Variants in ANK2 observed in about 807,000 individuals in gnomAD.
ANK2 encodes the protein ankyrin 2, also known as ankyrin-2.
ANK2 carries 83 observed loss-of-function variants against 360.5 expected under a neutral mutation model. The ratio of observed to expected loss-of-function variants is 0.23; its 90% confidence interval spans 0.19 to 0.28. The LOEUF is 0.28. Among genes scored for constraint, ANK2 ranks in the 10% least tolerant of loss-of-function variants. The probability of loss-of-function intolerance (pLI) is 1.00; values close to 1 mark genes in which losing one functional copy is unlikely to be tolerated. For synonymous variants in ANK2, 1,740 were observed against 1,759.5 expected, an observed-to-expected ratio of 0.99 and a Z score of 0.28; for missense variants, 4,201 against 4,795.7, an observed-to-expected ratio of 0.88 and a Z score of 3.66.
chr4:113,214,943 G>A (rs2099069314), intron 4 of ANK2, among the ~76,000 whole-genome samples: 1 of 152,082 alleles, frequency 6.6e-6, no homozygotes, highest in Non-Finnish European at 1.5e-5. Context: ...GTCATCAAAA[G>A]ACATTTATTA....
intron 26 of ANK2, among the ~76,000 whole-genome samples, chr4:113,328,757 C>T (rs2091370000): frequency 2.6e-5 from 4 of 152,202 alleles, no homozygotes; most frequent in Non-Finnish European, 5.9e-5. Context: ...CAGACAGGCA[C>T]TCTGGGCTCC....
In ANK2 at chr4:112,999,416, A is replaced by G. The variant is rs148582232; in HGVS notation, c.21+94902A>G. On this transcript the variant is annotated intron_variant, in intron 2 of 30. Transcript: ENST00000503271. ...TAAGGAAATGAAGATCAGAGAGATT[A>G]AATCACTTACTGATGATTCCCACAG... 4.3e-3 allele frequency among the ~76,000 whole-genome samples: 651 copies of G among 152,284 alleles called. 1 individual carries two copies. The highest frequency in any genetic ancestry group is 4.0e-3 in the Non-Finnish European group (272 of 68,022).
intron 11 of ANK2, 49 bp downstream of exon 11, chr4:113,255,981 A>C: frequency 1.3e-6 from 2 of 1,582,668 alleles, no homozygotes; most frequent in Non-Finnish European, 1.7e-6. Flanking sequence ...GAGACAAACA[A>C]ACCCACATTC....
chr4:112,951,348 T>C (rs1017085055), intron 2 of ANK2, among the ~76,000 whole-genome samples: 1 of 152,152 alleles, frequency 6.6e-6, no homozygotes, highest in African/African-American at 2.4e-5. Context: ...CATAAAAAGG[T>C]ATTTGTGATA....
chr4:112,740,804 A>G, the ANK2 span, among the ~76,000 whole-genome samples: 2 of 152,102 alleles, frequency 1.3e-5, no homozygotes, highest in Non-Finnish European at 2.9e-5. Context: ...AGGCTGGCCA[A>G]CACGGTGAAA....
At chr4:113,011,877 C>T (rs1226360332) in intron 2 of ANK2, among the ~76,000 whole-genome samples, 2 of 152,052 alleles carry the variant, frequency 1.3e-5, no homozygotes, top group East Asian at 3.9e-4. Context: ...GTTGTGCAAA[C>T]AATTTTATGC....
the ANK2 span, among the ~76,000 whole-genome samples, chr4:112,720,537 C>T: frequency 1.3e-5 from 2 of 152,190 alleles, no homozygotes; most frequent in African/African-American, 2.4e-5. Flanking sequence ...TTGTATACAA[C>T]ACATCTGATC....
intron 2 of ANK2, among the ~76,000 whole-genome samples, chr4:112,990,856 T>C (rs1282738895): frequency 1.3e-5 from 2 of 152,224 alleles, no homozygotes; most frequent in African/African-American, 4.8e-5. Context: ...TAAGTGTTAC[T>C]GTGAAGTATT....
chr4:113,124,446 T>C (rs1427461034), intron 1 of ANK2, among the ~76,000 whole-genome samples: 1 of 152,214 alleles, frequency 6.6e-6, no homozygotes, highest in African/African-American at 2.4e-5. Context: ...CTTTCAATAC[T>C]CCTAACTCTT....
chr4:113,009,852 A>C (rs1268778767), intron 2 of ANK2, among the ~76,000 whole-genome samples: 1 of 151,882 alleles, frequency 6.6e-6, no homozygotes, highest in Non-Finnish European at 1.5e-5. Context: ...TGTGCTTTTA[A>C]TTCTCACTGT....
intron 23 of ANK2, among the ~76,000 whole-genome samples, chr4:113,304,543 G>T: frequency 6.6e-6 from 1 of 152,016 alleles, no homozygotes; most frequent in East Asian, 1.9e-4. Context: ...ATAATCTAAT[G>T]AACATTATAT....
chr4:113,162,329 T>G (rs2097566395), intron 1 of ANK2, among the ~76,000 whole-genome samples: 1 of 152,206 alleles, frequency 6.6e-6, no homozygotes, highest in South Asian at 2.1e-4. Context: ...TCTTGCCTTT[T>G]CCTGTCTTTT....
chr4:112,815,843 C>G (rs1291318393), upstream of ANK2, among the ~76,000 whole-genome samples: 1 of 152,242 alleles, frequency 6.6e-6, no homozygotes, highest in Non-Finnish European at 1.5e-5. Flanking sequence ...AGCTCCTGCA[C>G]TCTGGACACT....
At position 113,373,145 on chromosome 4, in the gene ANK2, A is replaced by G; in HGVS notation, c.11666A>G (p.Asp3889Gly). 6.2e-7 allele frequency: 1 copy of G among 1,614,158 alleles called. No homozygotes were observed. The highest frequency in any genetic ancestry group is 8.5e-7 in the Non-Finnish European group (1 of 1,179,994). The change falls in exon 44 of 46, where the codon GAT becomes GGT. Residue 3889 changes from aspartate (D) to glycine (G), a missense_variant. Physicochemically the swap from Asp to Gly is moderately conservative, Grantham distance 94. Around this residue, in one of 4 missense-constraint regions of ANK2, gnomAD observed 2,642 missense variants for 2,714.5 expected, o/e 0.97. Coordinates refer to ENST00000357077, the MANE Select transcript of ANK2 (RefSeq NM_001148.6). ...PETVTEEEYI[D>G]EHGHTVVKKV... The stretch of plus-strand genomic sequence containing the variant: ...ACAGTCACAGAAGAAGAATACATTG[A>G]TGAGCATGGACACACCGTGGTAAAG...
At chr4:113,257,653 T>C (rs922775130) in intron 11 of ANK2, among the ~76,000 whole-genome samples, 2 of 152,208 alleles carry the variant, frequency 1.3e-5, no homozygotes, top group African/African-American at 4.8e-5. Flanking sequence ...CTCTGAGAAA[T>C]GGCCCTTCAG....
At chr4:113,043,815 C>T (rs963037010) in intron 2 of ANK2, among the ~76,000 whole-genome samples, 1 of 152,060 alleles carries the variant, frequency 6.6e-6, no homozygotes, top group Non-Finnish European at 1.5e-5. Context: ...AACAAAAGGA[C>T]ACAAAGGATT....
intron 1 of ANK2, among the ~76,000 whole-genome samples, chr4:113,170,745 T>C (rs569152664): frequency 6.6e-6 from 1 of 152,290 alleles, no homozygotes; most frequent in South Asian, 2.1e-4. Flanking sequence ...AAGAAAGTTG[T>C]TCTGTGTTTC....
intron 10 of ANK2, among the ~76,000 whole-genome samples, chr4:113,252,004 TAA>T (rs541524744): frequency 5.6e-4 from 86 of 152,220 alleles, no homozygotes; most frequent in African/African-American, 1.9e-3. Context: ...ACGCTACTGA[TAA>T]AGACATACTT....
Position 113,035,653 on chromosome 4 carries a change from A to AT in ANK2, c.21+131146dup, listed in dbSNP as rs200928003. 5.7e-3 allele frequency among the ~76,000 whole-genome samples: 871 copies of AT among 152,000 alleles called. 3 individuals are homozygous for AT. The highest frequency in any genetic ancestry group is 9.2e-3 in the Non-Finnish European group (624 of 67,876). ...ATTCTGAAAATGCTGAAGACTAAAA[A>AT]TTTTTTTATGAAGAATAAAAATACA... On this transcript the variant is annotated intron_variant, in intron 2 of 30. Transcript: ENST00000503271.
Sources: allele counts gnomAD v4.1 joint callset (sites outside exome capture counted in the v4.1 genomes callset), GRCh38; gene constraint gnomAD v4.1.1; regional missense constraint gnomAD v4.1.1; transcripts MANE v1.5; gene names NCBI Gene and HGNC (gene_info 2026-07-23, HGNC 2026-07-21).